UBE2R2: variants seen among roughly 807,000 people sequenced by gnomAD.
The protein encoded by UBE2R2 is ubiquitin conjugating enzyme E2 R2, also known as ubiquitin-conjugating enzyme E2 R2.
In UBE2R2, 1 loss-of-function variant was observed where a neutral mutation model predicts 27.8. The ratio of observed to expected loss-of-function variants is 0.04; its 90% CI spans 0.01 to 0.17. The LOEUF is 0.17. Among genes scored for constraint, UBE2R2 ranks in the 10% least tolerant of loss-of-function variants. UBE2R2 has a pLI of 1.00. For synonymous variants in UBE2R2, 106 were observed against 113.3 expected (o/e 0.94, Z 0.41); for missense variants, 100 against 291.0 (o/e 0.34, Z 4.78).
chr9:33,880,380 C>T (rs1222175483), intron 1 of UBE2R2, among the ~76,000 whole-genome samples: 2 of 151,894 alleles, frequency 1.3e-5, no homozygotes, highest in East Asian at 3.9e-4. Context: ...CCTCTTTATA[C>T]TGTGATTTGT....
intron 1 of UBE2R2, among the ~76,000 whole-genome samples, chr9:33,877,259 G>A (rs1424078446): frequency 1.4e-5 from 2 of 146,784 alleles, no homozygotes; most frequent in African/African-American, 5.1e-5. Context: ...TCGGCTCACT[G>A]CAAGCTCCGC....
intron 1 of UBE2R2, among the ~76,000 whole-genome samples, chr9:33,861,429 A>T (rs138187799): frequency 1.3e-5 from 2 of 152,170 alleles, no homozygotes; most frequent in Non-Finnish European, 2.9e-5. Context: ...ATACAAAAAT[A>T]CAAAAGTTAG....
intron 4 of UBE2R2, among the ~76,000 whole-genome samples, 177 bp downstream of exon 4, chr9:33,912,275 G>A (rs1822509885): frequency 1.3e-5 from 2 of 152,220 alleles, no homozygotes; most frequent in East Asian, 1.9e-4. Context: ...TGTTTACCGA[G>A]AGAACAGCCA....
At chr9:33,828,593 G>A (rs542544265) in intron 1 of UBE2R2, among the ~76,000 whole-genome samples, 1 of 151,304 alleles carries the variant, frequency 6.6e-6, no homozygotes, top group Admixed American at 6.6e-5. Context: ...ATCAAGTCTC[G>A]CTCTGTTCCC....
At chr9:33,823,271 C>G (rs1587422747) in intron 1 of UBE2R2, among the ~76,000 whole-genome samples, 2 of 152,014 alleles carry the variant, frequency 1.3e-5, no homozygotes, top group African/African-American at 4.8e-5. Flanking sequence ...CTCCTGGGCT[C>G]AAGTAATCCT....
At chr9:33,889,143 T>C (rs1234465675) in intron 2 of UBE2R2, among the ~76,000 whole-genome samples, 4 of 152,212 alleles carry the variant, frequency 2.6e-5, no homozygotes, top group African/African-American at 9.6e-5. Flanking sequence ...GTTTCCTAAG[T>C]TCAAACTGAG....
chr9:33,861,453 A>G (rs72725386), intron 1 of UBE2R2, among the ~76,000 whole-genome samples: 8,310 of 152,142 alleles, frequency 0.055, 337 homozygotes, highest in Non-Finnish European at 0.082. Flanking sequence ...CGCATAGCCT[A>G]TAATCCCAGC....
At chr9:33,863,569 G>GA (rs1821294784) in intron 1 of UBE2R2, among the ~76,000 whole-genome samples, 1 of 151,602 alleles carries the variant, frequency 6.6e-6, no homozygotes, top group African/African-American at 2.4e-5. Context: ...TGTTTTTCGT[G>GA]AAAAATTTAG....
intron 1 of UBE2R2, among the ~76,000 whole-genome samples, chr9:33,838,144 A>G (rs1181556729): frequency 2.0e-5 from 3 of 151,014 alleles, no homozygotes; most frequent in Non-Finnish European, 3.0e-5. Context: ...ATTCTCCCAT[A>G]TGCTTTATTT....
chr9:33,831,223 CT>C (rs1488357421), intron 1 of UBE2R2: 7 of 151,946 alleles, frequency 4.6e-5, no homozygotes, highest in Admixed American at 4.6e-4. Context: ...TGGTGGATCT[CT>C]TGAGCCCAGG....
chr9:33,906,926 GA>G (rs1464988194), intron 3 of UBE2R2, among the ~76,000 whole-genome samples: 1 of 152,130 alleles, frequency 6.6e-6, no homozygotes, highest in African/African-American at 2.4e-5. Flanking sequence ...AGCTACTCAG[GA>G]GGCTGAGGTG....
In UBE2R2 at chr9:33,849,086, G is replaced by C. The variant is rs371379474; in HGVS notation, c.177+31152G>C. Among the ~76,000 whole-genome samples, 15 of 151,924 alleles carry C rather than the reference G, an allele frequency of 9.9e-5. No individual in the cohort carries two copies. The East Asian group carries it at 2.9e-3, about 30-fold the overall frequency. On this transcript the variant is annotated intron_variant, in intron 1 of 4. Transcript: ENST00000263228. The stretch of plus-strand genomic sequence containing the variant: ...AGCCTGACCAACATGGAGAAACCTT[G>C]TTTCTACCAAAAATACAAAAATTAG...
intron 1 of UBE2R2, among the ~76,000 whole-genome samples, chr9:33,845,081 G>T (rs2486675): frequency 0.41 from 61,762 of 151,798 alleles, 12,904 homozygotes; most frequent in African/African-American, 0.49. Context: ...CATTGCCTTG[G>T]TTTTTAATCA....
At chr9:33,827,820 A>G (rs1431206806) in intron 1 of UBE2R2, among the ~76,000 whole-genome samples, 1 of 151,250 alleles carries the variant, frequency 6.6e-6, no homozygotes, top group East Asian at 1.9e-4. Flanking sequence ...AAAATACAAA[A>G]ATTAGCTGGG....
intron 1 of UBE2R2, among the ~76,000 whole-genome samples, chr9:33,872,923 C>G (rs1175066040): frequency 1.3e-5 from 2 of 151,956 alleles, no homozygotes; most frequent in East Asian, 3.9e-4. Flanking sequence ...ACCTGTAATC[C>G]CAGCACTTTA....
intron 1 of UBE2R2, among the ~76,000 whole-genome samples, chr9:33,854,492 G>A (rs1412799765): frequency 1.3e-5 from 2 of 151,268 alleles, no homozygotes; most frequent in South Asian, 2.1e-4. Flanking sequence ...GCTAGTTTTT[G>A]TATTTTTTTT....
intron 1 of UBE2R2, among the ~76,000 whole-genome samples, chr9:33,822,902 A>C (rs566590653): frequency 2.5e-4 from 34 of 135,274 alleles, no homozygotes; most frequent in South Asian, 7.5e-4. Flanking sequence ...TCTTCTTCTT[A>C]TTAATTTTTT....
At chr9:33,900,635 T>C (rs988359164) in intron 3 of UBE2R2, among the ~76,000 whole-genome samples, 1 of 152,214 alleles carries the variant, frequency 6.6e-6, no homozygotes, top group East Asian at 1.9e-4. Context: ...CTGAAGTCCA[T>C]ACGCTTTCAC....
intron 1 of UBE2R2, among the ~76,000 whole-genome samples, chr9:33,860,640 C>G (rs1821208763): frequency 6.6e-6 from 1 of 152,130 alleles, no homozygotes; most frequent in Non-Finnish European, 1.5e-5. Flanking sequence ...TGGTTCACAC[C>G]TGTAATCCCA....
Sources: allele counts gnomAD v4.1 joint callset (sites outside exome capture counted in the v4.1 genomes callset), GRCh38; gene constraint gnomAD v4.1.1; transcripts MANE v1.5; gene names NCBI Gene and HGNC (gene_info 2026-07-23, HGNC 2026-07-21).